The following SESTD1 variants were observed in gnomAD, a reference collection of about 807,000 sequenced individuals.
SESTD1 encodes SEC14 and spectrin domain containing 1.
Under a neutral mutation model 101.7 loss-of-function variants are expected in SESTD1, and 43 were observed. That is an observed-to-expected ratio of 0.42 (90% CI 0.33 to 0.55). SESTD1 has a LOEUF of 0.55. SESTD1 is among the 20% of genes least tolerant of loss of function. SESTD1 has a pLI of 0.07. For synonymous variants in SESTD1, 283 were observed against 286.8 expected (o/e 0.99, Z 0.13); for missense variants, 647 against 815.1 (o/e 0.79, Z 2.51).
chr2:179,129,536 C>T (rs1224784770), intron 10 of SESTD1, among the ~76,000 whole-genome samples: 2 of 152,050 alleles, frequency 1.3e-5, no homozygotes, highest in Non-Finnish European at 2.9e-5. Flanking sequence ...CTGCATTATG[C>T]TTTTATATGG....
intron 1 of SESTD1, among the ~76,000 whole-genome samples, chr2:179,193,087 A>T (rs993167322): frequency 1.3e-5 from 2 of 152,182 alleles, no homozygotes; most frequent in African/African-American, 4.8e-5. Context: ...CTCCAGAAAC[A>T]GCCCTGCTCT....
intron 10 of SESTD1, among the ~76,000 whole-genome samples, chr2:179,130,928 G>A (rs1318576995): frequency 4.0e-5 from 6 of 151,890 alleles, no homozygotes; most frequent in Admixed American, 3.9e-4. Flanking sequence ...TCAGGAACAG[G>A]GTTTGTAATA....
intron 5 of SESTD1, among the ~76,000 whole-genome samples, chr2:179,154,666 C>A (rs1390083841): frequency 6.6e-6 from 1 of 151,984 alleles, no homozygotes; most frequent in Non-Finnish European, 1.5e-5. Flanking sequence ...GTAAATTATA[C>A]CACAGGGATA....
chr2:179,154,861 C>T (rs2045598794), intron 5 of SESTD1, among the ~76,000 whole-genome samples: 1 of 152,084 alleles, frequency 6.6e-6, no homozygotes, highest in Non-Finnish European at 1.5e-5. Context: ...TATTTTAAAA[C>T]TTGACTGTAT....
intron 5 of SESTD1, among the ~76,000 whole-genome samples, chr2:179,166,954 A>G (rs1412775922): frequency 1.3e-5 from 2 of 152,196 alleles, no homozygotes; most frequent in Non-Finnish European, 2.9e-5. Flanking sequence ...CACAAATACT[A>G]CCTACACCTC....
At chr2:179,113,881 A>G (rs184682162) in intron 16 of SESTD1, among the ~76,000 whole-genome samples, 43 of 150,902 alleles carry the variant, frequency 2.8e-4, no homozygotes, top group African/African-American at 1.0e-3. Flanking sequence ...AAAAAAAAAA[A>G]GTTATCAGTG....
At chr2:179,165,565 C>T (rs916426904) in intron 5 of SESTD1, among the ~76,000 whole-genome samples, 14 of 152,200 alleles carry the variant, frequency 9.2e-5, no homozygotes, top group African/African-American at 3.4e-4. Flanking sequence ...GAACTGCAGA[C>T]CTTACTAGCT....
intron 1 of SESTD1, among the ~76,000 whole-genome samples, chr2:179,234,450 A>C (rs1364263083): frequency 1.3e-5 from 2 of 152,228 alleles, no homozygotes; most frequent in African/African-American, 2.4e-5. Flanking sequence ...AGGTAAGTAC[A>C]AGATGACTCT....
chr2:179,113,632 C>CAA (rs1383747338), intron 16 of SESTD1, among the ~76,000 whole-genome samples: 2 of 151,986 alleles, frequency 1.3e-5, no homozygotes, highest in African/African-American at 4.8e-5. Context: ...TTTTAAAACT[C>CAA]AAGATTTAAT....
At chr2:179,238,883 G>A (rs181829002) in intron 1 of SESTD1, among the ~76,000 whole-genome samples, 47 of 151,908 alleles carry the variant, frequency 3.1e-4, no homozygotes, top group Middle Eastern at 3.4e-3. Context: ...CCTTGCCCTC[G>A]TTTTCTTATC....
At chr2:179,135,497 T>C (rs1339211666) in intron 9 of SESTD1, among the ~76,000 whole-genome samples, 1 of 151,694 alleles carries the variant, frequency 6.6e-6, no homozygotes, top group Non-Finnish European at 1.5e-5. Flanking sequence ...CTCATACCTG[T>C]AATCCCAGCA....
intron 1 of SESTD1, among the ~76,000 whole-genome samples, chr2:179,248,739 G>A (rs1307219808): frequency 6.6e-6 from 1 of 151,822 alleles, no homozygotes; most frequent in Admixed American, 6.6e-5. Flanking sequence ...AAAACTTAAA[G>A]CTAATATTAT....
At chr2:179,220,817 A>T (rs28404031) in intron 1 of SESTD1, among the ~76,000 whole-genome samples, 1 of 152,090 alleles carries the variant, frequency 6.6e-6, no homozygotes, top group Admixed American at 6.6e-5. Flanking sequence ...ATTCTCTCCC[A>T]ATCTTCCTCC....
At position 179,178,604 on chromosome 2, in the gene SESTD1, T is replaced by C. The variant is rs138064649; in HGVS notation, c.165-2066A>G. On this transcript the variant is annotated intron_variant, in intron 3 of 17. Transcript: ENST00000428443. ...AAGACCACCATGACATAGGAGAGGA[T>C]ACAAGCCCAAGAGTGATCAGCTAGG... 3.2e-4 allele frequency among the ~76,000 whole-genome samples: 49 copies of C among 152,154 alleles called. 1 individual carries two copies. In the East Asian group the frequency reaches 9.3e-3, roughly 29 times the overall value.
intron 1 of SESTD1, among the ~76,000 whole-genome samples, chr2:179,193,730 AC>A (rs753163185): frequency 4.6e-5 from 7 of 152,196 alleles, no homozygotes; most frequent in Non-Finnish European, 7.3e-5. Context: ...CATGGGACAA[AC>A]CCCGTCTATT....
At position 179,206,345 on chromosome 2, in the gene SESTD1, G is replaced by C. The variant is rs1333321222; in HGVS notation, c.-25-14479C>G. On this transcript the variant is annotated intron_variant, in intron 1 of 17. Coordinates refer to ENST00000428443, the MANE Select transcript of SESTD1 (RefSeq NM_178123.5). ...AACTGTGAATCAATGAAGTGTGAGA[G>C]GGGGAAAAGTCAGCCTCTGAACACA... 1.7e-5 allele frequency among the ~76,000 whole-genome samples: 2 copies of C among 120,214 alleles called. 1 individual carries two copies. Among genetic ancestry groups the C allele is most frequent in the African/African-American group, 6.0e-5 (2 of 33,608 alleles). The allele number at this position is 120,214 out of a possible 152,430, so 78.9% of individuals were successfully genotyped here. A position where few individuals can be genotyped will look rare whatever the true frequency, so the allele number is the denominator to read the frequency against.
chr2:179,201,956 T>TAAA (rs2046524177), intron 1 of SESTD1, among the ~76,000 whole-genome samples: 2 of 110,462 alleles, frequency 1.8e-5, no homozygotes, highest in Admixed American at 1.9e-4. Context: ...ATAATAATAA[T>TAAA]AAAGAAAGAG....
intron 1 of SESTD1, among the ~76,000 whole-genome samples, chr2:179,225,049 T>C (rs1466176297): frequency 1.3e-5 from 2 of 152,160 alleles, no homozygotes; most frequent in African/African-American, 4.8e-5. Context: ...GCAATCAGTA[T>C]CTGAAGTAGA....
Position 179,107,432 on chromosome 2 carries a change from A to G in SESTD1, c.*2467T>C, listed in dbSNP as rs1191761745. The G allele has an allele frequency of 1.3e-5, 2 of 152,196 alleles. No homozygotes were observed. The highest frequency in any genetic ancestry group is 2.9e-5 in the Non-Finnish European group (2 of 68,018). The allele number at this position is 152,196 out of a possible 1,614,324, so 9.4% of individuals were successfully genotyped here. A position where few individuals can be genotyped will look rare whatever the true frequency, so the allele number is the denominator to read the frequency against. ...GTATATAAAAATTAACTCATTTGGC[A>G]ATTATAACTCCATGAGTTGATGGCA... On this transcript the variant is annotated 3_prime_UTR_variant, in exon 18 of 18. Transcript: ENST00000428443.
Sources: gnomAD v4.1 joint callset for allele counts (sites outside exome capture counted in the v4.1 genomes callset) on GRCh38, gnomAD v4.1.1 for gene constraint, MANE v1.5 for transcripts, NCBI Gene and HGNC (gene_info 2026-07-23, HGNC 2026-07-21) for gene names.